The following RELCH variants were observed in gnomAD, a reference collection of about 807,000 sequenced individuals.
RELCH encodes the protein RAB11 binding and LisH domain, coiled-coil and HEAT repeat containing, also known as RAB11-binding protein RELCH.
Under a neutral mutation model 150.3 loss-of-function variants are expected in RELCH, and 41 were observed. The ratio of observed to expected loss-of-function variants is 0.27; its 90% confidence interval spans 0.21 to 0.35. The LOEUF is 0.35. Ranked by LOEUF, RELCH falls within the 10% of genes least tolerant of loss-of-function variation. The pLI is 1.00. For synonymous variants in RELCH, 478 were observed against 531.8 expected (o/e 0.90, Z 1.39); for missense variants, 1,092 against 1,467.8 (o/e 0.74, Z 4.18).
intron 10 of RELCH, among the ~76,000 whole-genome samples, chr18:62,240,513 A>T (rs1238317830): frequency 6.7e-6 from 1 of 150,088 alleles, no homozygotes; most frequent in African/African-American, 2.5e-5. Flanking sequence ...GCCTCAATAG[A>T]TCCTCCTACC....
At chr18:62,265,159 T>C (rs2043485822) in intron 18 of RELCH, among the ~76,000 whole-genome samples, 1 of 152,074 alleles carries the variant, frequency 6.6e-6, no homozygotes. Flanking sequence ...ACCACAATCC[T>C]TTGAATGTGC....
At chr18:62,252,172 T>G (rs2042745144) in intron 11 of RELCH, among the ~76,000 whole-genome samples, 1 of 151,104 alleles carries the variant, frequency 6.6e-6, no homozygotes, top group Non-Finnish European at 1.5e-5. Flanking sequence ...ATTTTTTTTT[T>G]TTTTTTTTAG....
rs1450059344 is a variant in RELCH, at chr18:62,307,038, C to T, written c.*1504C>T. On this transcript the variant is annotated 3_prime_UTR_variant, in exon 29 of 29. Coordinates refer to ENST00000644646, the MANE Select transcript of RELCH (RefSeq NM_001346231.2). ...TTTCTGAAAACTGTTGGGTTCTAGGCATTCCTGAGAAATTGAAAGTGGCTA... is the reference window on the plus strand; with the variant it reads ...TTTCTGAAAACTGTTGGGTTCTAGGTATTCCTGAGAAATTGAAAGTGGCTA... 1 of 152,462 alleles carries T rather than the reference C, an allele frequency of 6.6e-6. No individual in the cohort carries two copies. The highest frequency in any genetic ancestry group is 1.5e-5 in the Non-Finnish European group (1 of 67,994). The allele number at this position is 152,462 out of a possible 1,614,324, so 9.4% of individuals were successfully genotyped here.
rs191406265 is a variant in RELCH, at chr18:62,258,625, A to G, written c.2151A>G (p.Leu717=). Reference sequence around the variant, plus strand: ...CGTGGACTACAGAACTTGGAAATTTACAGTCTCATCTTATACTTACACTAC... The same window carrying G: ...CGTGGACTACAGAACTTGGAAATTTGCAGTCTCATCTTATACTTACACTAC... ...YAAWTTELGN[L]QSHLILTLLN... The change falls in exon 15 of 29, where the codon TTA becomes TTG. Residue 717 remains leucine (L), a synonymous_variant. Transcript: ENST00000644646. 3 of 1,598,628 alleles carry G rather than the reference A, an allele frequency of 1.9e-6. No individual in the cohort carries two copies. The East Asian group carries it at 6.7e-5, about 36-fold the overall frequency.
intron 10 of RELCH, among the ~76,000 whole-genome samples, chr18:62,236,861 GT>G (rs1010953976): frequency 1.3e-5 from 2 of 151,456 alleles, no homozygotes; most frequent in African/African-American, 4.8e-5. Context: ...CTTGGGTTTA[GT>G]TTGATCTTTC....
At chr18:62,254,755 C>T (rs1382599776) in intron 12 of RELCH, 1 of 152,038 alleles carries the variant, frequency 6.6e-6, no homozygotes, top group East Asian at 1.9e-4. Context: ...AAATATACTC[C>T]TTTTCCAGTC....
intron 10 of RELCH, among the ~76,000 whole-genome samples, chr18:62,236,802 A>G (rs1373522490): frequency 1.3e-5 from 2 of 151,456 alleles, no homozygotes; most frequent in African/African-American, 4.8e-5. Context: ...TTTCTAGTCT[A>G]TGTTTCATTT....
chr18:62,280,349 C>T, intron 23 of RELCH: 1 of 1,612,246 alleles, frequency 6.2e-7, no homozygotes, highest in Non-Finnish European at 8.5e-7. Flanking sequence ...TGCATGTTGA[C>T]TGGTTTACAG....
At chr18:62,254,043 G>A (rs1568384883) in intron 12 of RELCH, among the ~76,000 whole-genome samples, 1 of 151,906 alleles carries the variant, frequency 6.6e-6, no homozygotes. Flanking sequence ...GCTTGAATTC[G>A]GTTCTCCTCT....
intron 22 of RELCH, among the ~76,000 whole-genome samples, chr18:62,278,556 A>C (rs751182285): frequency 2.0e-5 from 3 of 152,168 alleles, no homozygotes; most frequent in Non-Finnish European, 4.4e-5. Flanking sequence ...ACATATGTAC[A>C]CAATGGTAGA....
intron 27 of RELCH, 132 bp from the exon 28 acceptor site, chr18:62,298,657 CA>C (rs1193370155): frequency 5.3e-6 from 3 of 562,152 alleles, no homozygotes; most frequent in Non-Finnish European, 9.6e-6. Context: ...ATTCCTTTAA[CA>C]AAGTAACTGC....
At chr18:62,285,737 G>C (rs866897374) in intron 25 of RELCH, 2 of 152,198 alleles carry the variant, frequency 1.3e-5, no homozygotes, top group African/African-American at 4.8e-5. Context: ...TTGCATTCCA[G>C]CCCAAGCAAC....
In RELCH at chr18:62,231,260, A is replaced by G. The variant is rs2041552500; in HGVS notation, c.1515A>G (p.Leu505=). 6.3e-7 allele frequency: 1 copy of G among 1,598,814 alleles called. No individual in the cohort carries two copies. Among genetic ancestry groups the G allele is most frequent in the Non-Finnish European group, 8.6e-7 (1 of 1,167,398 alleles). The part of the protein sequence containing the change: ...SFCRMSADSR[L]GYEVSRIADS... ...GTCGAATGTCAGCAGATAGTCGTTT[A>G]GGATACGAGGTAAATTATACCACCT... The change falls in exon 9 of 29, where the codon TTA becomes TTG. Residue 505 remains leucine, a synonymous_variant. Coordinates refer to ENST00000644646, the MANE Select transcript of RELCH (RefSeq NM_001346231.2).
chr18:62,209,933 A>G lies in RELCH; in HGVS notation c.527-1220A>G, dbSNP rs113600374. 5.0e-3 allele frequency among the ~76,000 whole-genome samples: 762 copies of G among 152,282 alleles called. 8 individuals are homozygous for G. The highest frequency in any genetic ancestry group is 0.018 in the African/African-American group (730 of 41,564). On this transcript the variant is annotated intron_variant, in intron 1 of 28. Coordinates refer to ENST00000644646, the MANE Select transcript of RELCH (RefSeq NM_001346231.2). The stretch of plus-strand genomic sequence containing the variant: ...GTCATTGCTAATGTATAAAAATCCA[A>G]CTGATTTTTGTGCATTGGTCCCATG...
At chr18:62,258,787 C>CTAA in intron 15 of RELCH, 111 bp downstream of exon 15, 1 of 634,120 alleles carries the variant, frequency 1.6e-6, no homozygotes, top group Non-Finnish European at 2.6e-6. Context: ...GCTTAACATA[C>CTAA]TAATACATTA....
intron 1 of RELCH, among the ~76,000 whole-genome samples, chr18:62,190,030 A>G (rs2038505195): frequency 6.6e-6 from 1 of 152,248 alleles, no homozygotes; most frequent in Non-Finnish European, 1.5e-5. Context: ...CAACAGGACA[A>G]AAAATTCAAA....
At chr18:62,204,420 C>T (rs1056564927) in intron 1 of RELCH, among the ~76,000 whole-genome samples, 11 of 152,108 alleles carry the variant, frequency 7.2e-5, no homozygotes, top group Admixed American at 6.5e-5. Context: ...ATTACAGCCT[C>T]ACCCTTCTGA....
chr18:62,189,212 GAC>G (rs2038417579), intron 1 of RELCH, among the ~76,000 whole-genome samples: 1 of 149,758 alleles, frequency 6.7e-6, no homozygotes, highest in South Asian at 2.1e-4. Flanking sequence ...TATAAAATGA[GAC>G]AGTAGTGTAA....
chr18:62,270,491 C>T (rs528361251), intron 20 of RELCH, among the ~76,000 whole-genome samples: 10 of 152,134 alleles, frequency 6.6e-5, no homozygotes, highest in African/African-American at 9.6e-5. Flanking sequence ...AATACTGACT[C>T]GGGATAAAGC....
Sources: allele counts gnomAD v4.1 joint callset (sites outside exome capture counted in the v4.1 genomes callset), GRCh38; gene constraint gnomAD v4.1.1; transcripts MANE v1.5; gene names NCBI Gene and HGNC (gene_info 2026-07-23, HGNC 2026-07-21).